Variants in GLRA3 observed in about 807,000 individuals in gnomAD.
GLRA3 encodes the protein glycine receptor subunit alpha-3.
Under a neutral mutation model 60.4 loss-of-function variants are expected in GLRA3, and 44 were observed. That is an observed-to-expected ratio of 0.73 (90% CI 0.57 to 0.94). The LOEUF (loss-of-function observed/expected upper bound fraction) is 0.94, where lower values mean the gene tolerates loss of function less well. Ranked by LOEUF, GLRA3 falls within the 40% of genes least tolerant of loss-of-function variation. The pLI is 0.00. For missense variants in GLRA3, 508 were observed against 564.6 expected (o/e 0.90, Z 1.02); for synonymous variants, 223 against 192.9 (o/e 1.16, Z -1.29).
At chr4:174,694,275 C>T (rs2111023790) in intron 5 of GLRA3, among the ~76,000 whole-genome samples, 2 of 152,258 alleles carry the variant, frequency 1.3e-5, no homozygotes, top group South Asian at 4.1e-4. Context: ...CCAAAACCAA[C>T]AGAATATACT....
At chr4:174,684,756 C>T (rs748954395) in intron 5 of GLRA3, among the ~76,000 whole-genome samples, 2 of 152,298 alleles carry the variant, frequency 1.3e-5, no homozygotes, top group South Asian at 4.1e-4. Context: ...ATCTGTAATA[C>T]CAGCACTTTG....
intron 3 of GLRA3, among the ~76,000 whole-genome samples, chr4:174,750,708 A>ACATC (rs1398969760): frequency 6.6e-6 from 1 of 152,152 alleles, no homozygotes; most frequent in Non-Finnish European, 1.5e-5. Context: ...GTTATCATAA[A>ACATC]TGGAGCAGCT....
intron 3 of GLRA3, among the ~76,000 whole-genome samples, chr4:174,763,996 CTA>C (rs901064488): frequency 9.9e-5 from 15 of 152,034 alleles, no homozygotes; most frequent in African/African-American, 2.9e-4. Context: ...AGTTTGGTGA[CTA>C]TGTGTAAAAT....
intron 3 of GLRA3, among the ~76,000 whole-genome samples, chr4:174,753,778 A>G (rs927816126): frequency 6.6e-6 from 1 of 152,180 alleles, no homozygotes; most frequent in African/African-American, 2.4e-5. Context: ...AATTTGACAC[A>G]TATCTTTGCC....
At chr4:174,654,523 A>G (rs917489662) in intron 9 of GLRA3, among the ~76,000 whole-genome samples, 2 of 152,194 alleles carry the variant, frequency 1.3e-5, no homozygotes, top group Non-Finnish European at 2.9e-5. Context: ...ATAAATAATA[A>G]TTAATAAATA....
chr4:174,676,617 T>C (rs1290722908), intron 7 of GLRA3, among the ~76,000 whole-genome samples: 1 of 152,088 alleles, frequency 6.6e-6, no homozygotes, highest in Non-Finnish European at 1.5e-5. Flanking sequence ...GTGATATGTA[T>C]AGACACAGGC....
intron 5 of GLRA3, among the ~76,000 whole-genome samples, chr4:174,692,953 A>AT (rs1314667182): frequency 2.0e-5 from 3 of 151,700 alleles, no homozygotes; most frequent in Non-Finnish European, 2.9e-5. Flanking sequence ...AAAATAAAAA[A>AT]AAAAAAAGAA....
intron 2 of GLRA3, among the ~76,000 whole-genome samples, chr4:174,775,435 G>T (rs1175078089): frequency 6.6e-6 from 1 of 151,782 alleles, no homozygotes; most frequent in African/African-American, 2.4e-5. Flanking sequence ...AATATTTAAG[G>T]GTAAAAGACA....
intron 2 of GLRA3, among the ~76,000 whole-genome samples, chr4:174,782,457 G>A (rs1738921458): frequency 6.7e-6 from 1 of 148,428 alleles, no homozygotes; most frequent in Non-Finnish European, 1.5e-5. Flanking sequence ...AGTGTTGGAA[G>A]TTCTGGCCAG....
chr4:174,797,726 G>T (rs1739626779), intron 1 of GLRA3, among the ~76,000 whole-genome samples: 3 of 151,858 alleles, frequency 2.0e-5, no homozygotes, highest in South Asian at 4.2e-4. Context: ...GAGTCCAGGA[G>T]TTTGAGACCA....
chr4:174,764,166 T>C (rs574180285), intron 3 of GLRA3, among the ~76,000 whole-genome samples: 12 of 152,148 alleles, frequency 7.9e-5, no homozygotes, highest in African/African-American at 2.4e-4. Context: ...ATATGAAAAA[T>C]ACATTGTTTG....
intron 5 of GLRA3, among the ~76,000 whole-genome samples, chr4:174,703,459 T>C (rs1050733105): frequency 3.3e-5 from 5 of 152,242 alleles, no homozygotes; most frequent in Admixed American, 2.0e-4. Flanking sequence ...TAAATTTTTA[T>C]TGACAAACTA....
At chr4:174,722,471 T>C (rs1231265140) in intron 4 of GLRA3, among the ~76,000 whole-genome samples, 1 of 152,206 alleles carries the variant, frequency 6.6e-6, no homozygotes, top group African/African-American at 2.4e-5. Context: ...TTCTCTTCCT[T>C]TTGAATTCCC....
At chr4:174,801,673 G>A (rs1241985262) in intron 1 of GLRA3, among the ~76,000 whole-genome samples, 1 of 151,940 alleles carries the variant, frequency 6.6e-6, no homozygotes, top group African/African-American at 2.4e-5. Context: ...TCTTTGACTG[G>A]TCTATTCCAA....
At chr4:174,825,591 T>C (rs1740933619) in intron 1 of GLRA3, among the ~76,000 whole-genome samples, 3 of 152,126 alleles carry the variant, frequency 2.0e-5, no homozygotes, top group Admixed American at 2.0e-4. Flanking sequence ...CTGCAAGCTC[T>C]TCATAATCAT....
intron 9 of GLRA3, among the ~76,000 whole-genome samples, chr4:174,652,388 A>G (rs984229064): frequency 6.6e-6 from 1 of 152,118 alleles, no homozygotes; most frequent in African/African-American, 2.4e-5. Flanking sequence ...GGCCCTTGAC[A>G]ACATAAAATA....
chr4:174,684,542 G>A (rs111848480), intron 5 of GLRA3, among the ~76,000 whole-genome samples: 2,016 of 152,354 alleles, frequency 0.013, 24 homozygotes, highest in Non-Finnish European at 0.022. Flanking sequence ...CTCTGAGTGA[G>A]AAGCTATTGA....
intron 1 of GLRA3, among the ~76,000 whole-genome samples, chr4:174,791,394 A>T (rs1290025022): frequency 6.6e-6 from 1 of 152,176 alleles, no homozygotes; most frequent in Non-Finnish European, 1.5e-5. Context: ...AACTGATTCC[A>T]GACTTCTGGC....
intron 1 of GLRA3, among the ~76,000 whole-genome samples, chr4:174,816,686 G>T (rs1350058482): frequency 6.7e-6 from 1 of 148,588 alleles, no homozygotes; most frequent in African/African-American, 2.5e-5. Flanking sequence ...TTTGAAATGT[G>T]CTATAGCATT....
Sources: allele counts gnomAD v4.1 joint callset (sites outside exome capture counted in the v4.1 genomes callset), GRCh38; gene constraint gnomAD v4.1.1; transcripts MANE v1.5; gene names NCBI Gene and HGNC (gene_info 2026-07-23, HGNC 2026-07-21).